The following CACNA1B variants were observed in gnomAD, a reference collection of about 807,000 sequenced individuals.
CACNA1B encodes voltage-dependent N-type calcium channel subunit alpha-1B.
Under a neutral mutation model 247.2 loss-of-function variants are expected in CACNA1B, and 70 were observed. That is an observed-to-expected ratio of 0.28 (90% CI 0.23 to 0.35). The LOEUF is 0.35. Among genes scored for constraint, CACNA1B ranks in the 10% least tolerant of loss-of-function variants. The pLI is 1.00. For synonymous variants in CACNA1B, 1,231 were observed against 1,294.4 expected (o/e 0.95, Z 1.05); for missense variants, 2,367 against 3,197.4 (o/e 0.74, Z 6.26).
chr9:138,023,324 C>G lies in CACNA1B; in HGVS notation c.2581C>G (p.Pro861Ala). 5 of 1,508,204 alleles carry G rather than the reference C, an allele frequency of 3.3e-6. No individual in the cohort carries two copies. Among genetic ancestry groups the G allele is most frequent in the Non-Finnish European group, 3.5e-6 (4 of 1,136,238 alleles). The allele number at this position is 1,508,204 out of a possible 1,614,324, so 93.4% of individuals were successfully genotyped here. Residue 861 changes from proline (P) to alanine (A), a missense_variant, in exon 19 of 47, where the codon CCC becomes GCC. By Grantham distance (27) the Pro-to-Ala change is conservative. This residue lies in a region of CACNA1B where 631 missense variants were observed against 631.1 expected (regional missense o/e 1.00). Transcript: ENST00000371372. Reference sequence around the variant, plus strand: ...CCGGCACCGCGACAAGGACAAGACCCCCGCGGCGGGGGACCAGGACCGAGC... The same window carrying G: ...CCGGCACCGCGACAAGGACAAGACCGCCGCGGCGGGGGACCAGGACCGAGC... ...HHRHRDKDKT[P>A]AAGDQDRAEA...
At chr9:137,905,088 C>T (rs987085181) in intron 3 of CACNA1B, among the ~76,000 whole-genome samples, 2 of 152,140 alleles carry the variant, frequency 1.3e-5, no homozygotes, top group Non-Finnish European at 2.9e-5. Context: ...GGCGTGGTGG[C>T]TTATACCTGT....
At chr9:138,079,433 C>G (rs949688376) in intron 36 of CACNA1B, among the ~76,000 whole-genome samples, 4 of 152,060 alleles carry the variant, frequency 2.6e-5, no homozygotes, top group African/African-American at 9.7e-5. Context: ...GAAGGTGATG[C>G]AAGATGATGA....
rs202024500 is a variant in CACNA1B at position 137,882,873 on chromosome 9, G to A, written c.520G>A (p.Val174Ile). 5 of 1,613,792 alleles carry A rather than the reference G, an allele frequency of 3.1e-6. No individual in the cohort carries two copies. Among genetic ancestry groups the A allele is most frequent in the Non-Finnish European group, 3.4e-6 (4 of 1,179,802 alleles). ...NGWNVMDFVV[V>I]LTGILATAGT... ...CTGGAACGTCATGGACTTCGTGGTC[G>A]TCCTCACAGGGTAGGCAAGCTGAGG... The change falls in exon 3 of 47, where the codon GTC becomes ATC. Residue 174 changes from valine to isoleucine, a missense_variant. Coordinates refer to ENST00000371372, the MANE Select transcript of CACNA1B (RefSeq NM_000718.4). The surrounding 1 kb of genome is among the most constrained non-coding windows in gnomAD (Gnocchi z 4.0).
intron 3 of CACNA1B, among the ~76,000 whole-genome samples, chr9:137,884,832 C>T (rs1418091361): frequency 2.0e-5 from 3 of 151,536 alleles, no homozygotes; most frequent in African/African-American, 7.3e-5. Flanking sequence ...CTGGATCTCC[C>T]AGCACACATA....
At chr9:137,903,828 A>G (rs1250780832) in intron 3 of CACNA1B, among the ~76,000 whole-genome samples, 6 of 152,002 alleles carry the variant, frequency 3.9e-5, no homozygotes, top group African/African-American at 1.4e-4. Flanking sequence ...AGTGGTTTGT[A>G]TTGATTGGCG....
chr9:137,921,823 C>T (rs546423599), intron 6 of CACNA1B, among the ~76,000 whole-genome samples: 3 of 143,220 alleles, frequency 2.1e-5, no homozygotes, highest in Non-Finnish European at 4.6e-5. Context: ...ATCAGCACCA[C>T]GACCGCACAG....
At position 137,986,304 on chromosome 9, in the gene CACNA1B, C is replaced by T. The variant is rs1958360855; in HGVS notation, c.1770-109C>T. 1.6e-5 allele frequency: 19 copies of T among 1,215,296 alleles called. No homozygotes were observed. Among genetic ancestry groups the T allele is most frequent in the Non-Finnish European group, 2.0e-5 (17 of 863,618 alleles). 75.3% of individuals were successfully genotyped at this position (1,215,296 alleles called of 1,614,324 possible). On this transcript the variant is annotated intron_variant, in intron 13 of 46. Transcript: ENST00000371372. This position sits in a 1 kb window ranked among gnomAD's most constrained non-coding sequence, Gnocchi z 6.0. ...AGCTCTAACTTCACACCTAGGTGTG[C>T]AGCCCTCAGGGTTTAGAAAGTCAGT...
chr9:138,038,130 A>T (rs1393485032), intron 20 of CACNA1B, among the ~76,000 whole-genome samples: 2 of 152,232 alleles, frequency 1.3e-5, no homozygotes, highest in Non-Finnish European at 2.9e-5. Context: ...GAGAGCTAGA[A>T]GAAAATTATT....
At chr9:138,017,231 A>G (rs780088240) in intron 18 of CACNA1B, 4 of 518,428 alleles carry the variant, frequency 7.7e-6, no homozygotes, top group South Asian at 2.8e-5. Flanking sequence ...TATTCCATCC[A>G]TGGCTTCATG....
Position 138,023,227 on chromosome 9 carries a change from G to T in CACNA1B, c.2484G>T (p.Gly828=). ...VVELGRDGAR[G]PVGGKARPEA... is the part of the protein sequence containing the mutation. ...AGCTGGGCCGCGACGGCGCGCGGGG[G>T]CCCGTGGGAGGCAAAGCCCGACCTG... Residue 828 remains glycine, a synonymous_variant, in exon 19 of 47, where the codon GGG becomes GGT. Transcript: ENST00000371372. The T allele has an allele frequency of 1.3e-6, 2 of 1,511,482 alleles. No homozygotes were observed. Among genetic ancestry groups the T allele is most frequent in the South Asian group, 1.2e-5 (1 of 80,430 alleles). 93.6% of individuals were successfully genotyped at this position (1,511,482 alleles called of 1,614,324 possible). A position where few individuals can be genotyped will look rare whatever the true frequency, so the allele number is the denominator to read the frequency against.
intron 13 of CACNA1B, among the ~76,000 whole-genome samples, chr9:137,985,570 A>G (rs1410871198): frequency 6.6e-6 from 1 of 152,210 alleles, no homozygotes; most frequent in African/African-American, 2.4e-5. Flanking sequence ...AAGAGAATCC[A>G]TGGAGGATAG....
Position 138,123,613 on chromosome 9 carries a change from C to G in CACNA1B, c.*1614C>G, listed in dbSNP as rs200547188. 4.0e-4 allele frequency: 60 copies of G among 151,706 alleles called. 1 individual carries two copies. The Middle Eastern group carries it at 0.01, about 25-fold the overall frequency. The allele number at this position is 151,706 out of a possible 1,614,324, so 9.4% of individuals were successfully genotyped here. ...GTCTGTGTCACAGGAGATGCAGTGC[C>G]TGTACAGGTGTGTTCAGTGTGTGGA... On this transcript the variant is annotated 3_prime_UTR_variant, in exon 47 of 47. Transcript: ENST00000371372.
At chr9:138,004,216 T>C (rs933840053) in intron 15 of CACNA1B, among the ~76,000 whole-genome samples, 1 of 152,028 alleles carries the variant, frequency 6.6e-6, no homozygotes, top group Non-Finnish European at 1.5e-5. Flanking sequence ...GAAGGAAAAC[T>C]GTGTGATGGT....
At chr9:138,003,890 A>C (rs1012418208) in intron 15 of CACNA1B, among the ~76,000 whole-genome samples, 1 of 147,964 alleles carries the variant, frequency 6.8e-6, no homozygotes, top group African/African-American at 2.5e-5. Flanking sequence ...CCAAAGCGCT[A>C]GGACTACAGA....
chr9:138,036,332 C>T lies in CACNA1B; in HGVS notation c.3287-7442C>T, dbSNP rs1224343288. On this transcript the variant is annotated intron_variant, in intron 20 of 46. Transcript: ENST00000371372. ...TTTTTTATATTTTTAGTAGAGATGG[C>T]GTTTCACTGTGTTAGCCAAGATGGT... 3.3e-5 allele frequency among the ~76,000 whole-genome samples: 5 copies of T among 152,000 alleles called. No homozygotes were observed. The South Asian group carries it at 6.2e-4, about 19-fold the overall frequency.
chr9:137,967,003 G>A (rs1272796095), intron 10 of CACNA1B, among the ~76,000 whole-genome samples: 1 of 150,000 alleles, frequency 6.7e-6, no homozygotes, highest in African/African-American at 2.5e-5. Flanking sequence ...GTTGTATGGT[G>A]TCTGTTTCTA....
chr9:137,967,776 G>A (rs867054648), intron 10 of CACNA1B, among the ~76,000 whole-genome samples: 1 of 152,256 alleles, frequency 6.6e-6, no homozygotes, highest in Middle Eastern at 3.4e-3. Context: ...CTCTCTGTCT[G>A]CCCCTCAAAC....
rs369699627 is a variant in CACNA1B at position 138,025,100 on chromosome 9, C to T, written c.3214C>T (p.Pro1072Ser). The T allele has an allele frequency of 1.1e-5, 17 of 1,613,414 alleles. No homozygotes were observed. The African/African-American group carries it at 1.9e-4, about 18-fold the overall frequency. ...RNVTRMGSQP[P>S]DPNTIVHIPV... ...CGTCACTCGCATGGGCAGTCAGCCC[C>T]CAGACCCGAACACTATTGTACATAT... Residue 1072 changes from proline (P) to serine (S), a missense_variant, in exon 20 of 47, where the codon CCA (proline) becomes TCA (serine). This residue lies in a region of CACNA1B where 631 missense variants were observed against 631.1 expected (regional missense o/e 1.00). Coordinates refer to ENST00000371372, the MANE Select transcript of CACNA1B (RefSeq NM_000718.4).
intron 37 of CACNA1B, among the ~76,000 whole-genome samples, chr9:138,098,619 G>A (rs757524480): frequency 5.3e-5 from 8 of 152,242 alleles, no homozygotes; most frequent in Non-Finnish European, 1.2e-4. Flanking sequence ...AGAACGGGAA[G>A]TGGACTTGGG....
Sources: gnomAD v4.1 joint callset for allele counts (sites outside exome capture counted in the v4.1 genomes callset) on GRCh38, gnomAD v4.1.1 for gene constraint, gnomAD v4.1.1 regional missense constraint, Gnocchi (gnomAD v3.1) non-coding constraint, MANE v1.5 for transcripts, NCBI Gene and HGNC (gene_info 2026-07-23, HGNC 2026-07-21) for gene names.